The following LRP1B variants were observed in gnomAD, a reference collection of about 807,000 sequenced individuals.
LRP1B encodes low-density lipoprotein receptor-related protein 1B.
Under a neutral mutation model 556.6 loss-of-function variants are expected in LRP1B, and 217 were observed. The ratio of observed to expected loss-of-function variants is 0.39; its 90% CI spans 0.35 to 0.44. LRP1B has a LOEUF of 0.44. Ranked by LOEUF, LRP1B falls within the 20% of genes least tolerant of loss-of-function variation. The pLI is 1.00. For synonymous variants in LRP1B, 2,047 were observed against 1,865.8 expected (o/e 1.10, Z -2.50); for missense variants, 5,053 against 5,620.8 (o/e 0.90, Z 3.23).
chr2:141,752,649 G>C (rs1694156504), intron 2 of LRP1B, among the ~76,000 whole-genome samples: 1 of 151,526 alleles, frequency 6.6e-6, no homozygotes, highest in Non-Finnish European at 1.5e-5. Flanking sequence ...AAAATCTTGG[G>C]TGGTGTGTGT....
At chr2:140,460,022 A>G (rs1255915780) in intron 60 of LRP1B, among the ~76,000 whole-genome samples, 1 of 152,146 alleles carries the variant, frequency 6.6e-6, no homozygotes, top group Non-Finnish European at 1.5e-5. Context: ...TTTATAAATT[A>G]CCTAGTCTCA....
intron 2 of LRP1B, among the ~76,000 whole-genome samples, chr2:141,607,447 A>G (rs1300507155): frequency 6.6e-6 from 1 of 152,126 alleles, no homozygotes; most frequent in Non-Finnish European, 1.5e-5. Context: ...GTAGTCATGC[A>G]CTATCTCTAG....
chr2:141,673,090 G>C (rs1272102466), intron 2 of LRP1B, among the ~76,000 whole-genome samples: 8 of 152,180 alleles, frequency 5.3e-5, no homozygotes, highest in African/African-American at 1.9e-4. Context: ...TGACCTGGAA[G>C]TCTTCTGCCT....
chr2:141,017,953 A>T (rs1237234377), intron 12 of LRP1B, among the ~76,000 whole-genome samples: 1 of 151,580 alleles, frequency 6.6e-6, no homozygotes, highest in Non-Finnish European at 1.5e-5. Context: ...GTGAGCCAAG[A>T]TCATACCACT....
chr2:140,897,722 T>C (rs756176915), intron 23 of LRP1B, among the ~76,000 whole-genome samples: 2 of 152,200 alleles, frequency 1.3e-5, no homozygotes, highest in African/African-American at 2.4e-5. Flanking sequence ...CTTCCTGCCC[T>C]CAAACATCAG....
At chr2:141,120,908 T>G (rs959525422) in intron 7 of LRP1B, among the ~76,000 whole-genome samples, 1 of 152,000 alleles carries the variant, frequency 6.6e-6, no homozygotes, top group Non-Finnish European at 1.5e-5. Flanking sequence ...GAGTCCACCA[T>G]GCATTGCACA....
At chr2:141,539,199 G>C (rs1033473266) in intron 2 of LRP1B, among the ~76,000 whole-genome samples, 7 of 131,800 alleles carry the variant, frequency 5.3e-5, no homozygotes, top group African/African-American at 1.8e-4. Context: ...TGATGACCCA[G>C]GAAGTTATTA....
chr2:140,531,736 A>C (rs1428894096), intron 47 of LRP1B, among the ~76,000 whole-genome samples: 5 of 151,926 alleles, frequency 3.3e-5, no homozygotes, highest in African/African-American at 9.7e-5. Context: ...GCTTTCCTCT[A>C]CTGTTCCACT....
At chr2:140,654,596 AT>A (rs1684810613) in intron 41 of LRP1B, among the ~76,000 whole-genome samples, 3 of 151,562 alleles carry the variant, frequency 2.0e-5, no homozygotes, top group South Asian at 4.2e-4. Flanking sequence ...AGTGTGAGGC[AT>A]TTTCCTCTAA....
chr2:140,923,204 T>C (rs1029285925), intron 20 of LRP1B, 57 bp from the exon 21 acceptor site: 7 of 1,326,670 alleles, frequency 5.3e-6, no homozygotes, highest in East Asian at 2.3e-5. Flanking sequence ...AGAGAAATTA[T>C]GATTTTACTT....
intron 41 of LRP1B, among the ~76,000 whole-genome samples, chr2:140,624,870 T>A (rs1036214076): frequency 6.6e-6 from 1 of 152,138 alleles, no homozygotes; most frequent in East Asian, 1.9e-4. Flanking sequence ...TAGGAGGTGA[T>A]CTGAAAGACA....
chr2:140,936,566 G>A (rs75546012), intron 20 of LRP1B, among the ~76,000 whole-genome samples: 3,336 of 151,948 alleles, frequency 0.022, 53 homozygotes, highest in Non-Finnish European at 0.031. Context: ...GAAATGAAAG[G>A]AAAATAGAGA....
chr2:142,025,316 TACC>T (rs1703467716), intron 1 of LRP1B, among the ~76,000 whole-genome samples: 1 of 152,158 alleles, frequency 6.6e-6, no homozygotes, highest in African/African-American at 2.4e-5. Flanking sequence ...CTAACTTTAA[TACC>T]ACAACTTTCT....
chr2:140,709,501 A>T (rs2105446776), intron 37 of LRP1B, among the ~76,000 whole-genome samples: 1 of 151,582 alleles, frequency 6.6e-6, no homozygotes, highest in African/African-American at 2.4e-5. Context: ...AGGAGGAGGA[A>T]CAAGAGGAGG....
At chr2:141,827,223 T>C (rs1696964562) in intron 1 of LRP1B, among the ~76,000 whole-genome samples, 1 of 152,254 alleles carries the variant, frequency 6.6e-6, no homozygotes, top group African/African-American at 2.4e-5. Context: ...AGAAGTTCTT[T>C]TGTTGAATTA....
intron 1 of LRP1B, among the ~76,000 whole-genome samples, chr2:141,873,772 T>C (rs1431552358): frequency 6.6e-6 from 1 of 151,570 alleles, no homozygotes; most frequent in Admixed American, 6.6e-5. Context: ...AAGACCTGCT[T>C]AGTGGCTGGT....
intron 1 of LRP1B, among the ~76,000 whole-genome samples, chr2:141,864,881 CAAAA>C (rs1183514854): frequency 7.8e-6 from 1 of 128,554 alleles, no homozygotes; most frequent in Admixed American, 7.9e-5. Flanking sequence ...GACTCTGTCT[CAAAA>C]AACAAACAAA....
At chr2:141,071,860 C>A (rs36152364) in intron 7 of LRP1B, among the ~76,000 whole-genome samples, 29 of 152,108 alleles carry the variant, frequency 1.9e-4, no homozygotes, top group Non-Finnish European at 3.7e-4. Flanking sequence ...AAAGAGTATA[C>A]AAACAAATGG....
chr2:140,451,569 C>A (rs1372046452), intron 62 of LRP1B, among the ~76,000 whole-genome samples: 3 of 152,094 alleles, frequency 2.0e-5, no homozygotes, highest in African/African-American at 7.2e-5. Context: ...TGCTGTGATT[C>A]CATAAAGATT....
Sources: allele counts gnomAD v4.1 joint callset (sites outside exome capture counted in the v4.1 genomes callset), GRCh38; gene constraint gnomAD v4.1.1; transcripts MANE v1.5; gene names NCBI Gene and HGNC (gene_info 2026-07-23, HGNC 2026-07-21).